The following OGFOD2 variants were observed in gnomAD, a reference collection of about 807,000 sequenced individuals.
OGFOD2 encodes 2-oxoglutarate and iron dependent oxygenase domain containing 2.
Under a neutral mutation model 31.1 loss-of-function variants are expected in OGFOD2, and 34 were observed. That is an observed-to-expected ratio of 1.09 (90% CI 0.83 to 1.45). The LOEUF (loss-of-function observed/expected upper bound fraction) is 1.45. OGFOD2 is among the 40% of genes most tolerant of loss of function. The probability of loss-of-function intolerance (pLI) is 0.00; values close to 1 mark genes in which losing one functional copy is unlikely to be tolerated. For synonymous variants in OGFOD2, 240 were observed against 192.3 expected, an observed-to-expected ratio of 1.25 and a Z score of -2.05; for missense variants, 537 against 433.9, an observed-to-expected ratio of 1.24 and a Z score of -2.11.
chr12:122,975,330 G>A (rs1158220374), exon 1 of OGFOD2: 1 of 702,128 alleles, frequency 1.4e-6, no homozygotes, highest in Non-Finnish European at 2.6e-6. Context: ...GGCGCGCTAT[G>A]GGCTGCACGT....
At chr12:122,976,905 C>A (rs765457509) in exon 4 of OGFOD2, 8 of 1,611,308 alleles carry the variant, frequency 5.0e-6, no homozygotes, top group Non-Finnish European at 6.8e-6. Context: ...CTGGCCGTGA[C>A]TGAGTACAGC....
chr12:122,979,240 T>A lies in OGFOD2; in HGVS notation c.947T>A (p.Leu316His), dbSNP rs199662815. 1.9e-6 allele frequency: 3 copies of A among 1,612,800 alleles called. No homozygotes were observed. In the African/African-American group the frequency reaches 4.0e-5, roughly 22 times the overall value. Residue 316 changes from leucine (L) to histidine (H), a missense_variant, in exon 7 of 7, where the codon CTC (leucine) becomes CAC (histidine). Coordinates refer to ENST00000228922, the Ensembl canonical transcript of OGFOD2. ...CGAGCCTCTGCTGTGCGCAACAGCCTCTGTCCCATGTGCTGCCGTGAGCCC... is the reference window on the plus strand; with the variant it reads ...CGAGCCTCTGCTGTGCGCAACAGCCACTGTCCCATGTGCTGCCGTGAGCCC...
chr12:122,976,401 G>C lies in OGFOD2; in HGVS notation c.190-253G>C, dbSNP rs944834849. The C allele has an allele frequency of 1.9e-6, 3 of 1,613,746 alleles. No individual in the cohort carries two copies. In the African/African-American group the frequency reaches 4.0e-5, roughly 22 times the overall value. On this transcript the variant is annotated intron_variant, in intron 2 of 6. Coordinates refer to ENST00000228922, the Ensembl canonical transcript of OGFOD2. ...TCCCTGTGTGGGCCCAGATGGTTGAGGTACATCTAGGGGTTCTCATCCCAG... is the reference window on the plus strand; with the variant it reads ...TCCCTGTGTGGGCCCAGATGGTTGACGTACATCTAGGGGTTCTCATCCCAG...
exon 1 of OGFOD2, chr12:122,975,294 T>C (rs544619497): frequency 1.4e-6 from 1 of 695,784 alleles, no homozygotes; most frequent in African/African-American, 1.7e-5. Context: ...CCGCTGCGCC[T>C]GCTTCTGCAC....
At chr12:122,979,379 A>G in exon 7 of OGFOD2, 1 of 1,569,826 alleles carries the variant, frequency 6.4e-7, no homozygotes, top group Non-Finnish European at 8.7e-7. Context: ...GGTGGCAGGC[A>G]GGTGAGGGCT....
chr12:122,978,655 C>T (rs1200065944), intron 5 of OGFOD2, 86 bp downstream of exon 5: 13 of 1,587,596 alleles, frequency 8.2e-6, no homozygotes, highest in Admixed American at 3.4e-5. Flanking sequence ...GCTGCCTGCC[C>T]GGGCTGCGAA....
rs2037408601 is a variant in OGFOD2, at chr12:122,975,874, G to T, written c.189+7G>T. 1.4e-6 allele frequency: 1 copy of T among 702,666 alleles called. No homozygotes were observed. The highest frequency in any genetic ancestry group is 2.7e-5 in the East Asian group (1 of 37,276). 43.5% of individuals were successfully genotyped at this position (702,666 alleles called of 1,614,324 possible). A position where few individuals can be genotyped will look rare whatever the true frequency, so the allele number is the denominator to read the frequency against. The stretch of plus-strand genomic sequence containing the variant: ...CCAGCAGCTGTTAGCAGAGGTACCA[G>T]TCCCCTGCCCCTGCACAGCTCCTCC... On this transcript the variant is annotated splice_region_variant and intron_variant, in intron 2 of 6. Coordinates refer to ENST00000228922, the Ensembl canonical transcript of OGFOD2.
In OGFOD2 at chr12:122,978,580, C is replaced by A; in HGVS notation, c.531+11C>A. 1.2e-6 allele frequency: 2 copies of A among 1,609,068 alleles called. No individual in the cohort carries two copies. The highest frequency in any genetic ancestry group is 1.7e-6 in the Non-Finnish European group (2 of 1,176,480). The stretch of plus-strand genomic sequence containing the variant: ...ATGAACAACTACGGGGTGGGTGAGG[C>A]CTGGCCGGTGGCAGAGGAGGGGGTG... On this transcript the variant is annotated intron_variant, in intron 5 of 6. Transcript: ENST00000228922.
chr12:122,978,455 C>T, exon 5 of OGFOD2: 1 of 1,613,606 alleles, frequency 6.2e-7, no homozygotes, highest in Non-Finnish European at 8.5e-7. Flanking sequence ...AGAAGCGCAT[C>T]TACCGGGTGC....
At chr12:122,979,827 G>A (rs1191287557) in exon 7 of OGFOD2, 1 of 211,658 alleles carries the variant, frequency 4.7e-6, no homozygotes, top group Non-Finnish European at 9.2e-6. Flanking sequence ...AGTGGACTCG[G>A]GTGGGCCACC....
intron 6 of OGFOD2, 24 bp downstream of exon 6, chr12:122,979,034 G>C: frequency 6.2e-7 from 1 of 1,606,804 alleles, no homozygotes; most frequent in Middle Eastern, 1.7e-4. Flanking sequence ...CCATGCGGCA[G>C]GGCCTGGGGC....
At chr12:122,975,647 C>T (rs573512751) in intron 1 of OGFOD2, 164 bp from the exon 2 acceptor site, 2 of 619,646 alleles carry the variant, frequency 3.2e-6, no homozygotes, top group African/African-American at 1.8e-5. Context: ...AACACCAGCC[C>T]GGAGCCCTGT....
At chr12:122,979,567 G>C (rs1157807521) in exon 7 of OGFOD2, 24 of 618,348 alleles carry the variant, frequency 3.9e-5, no homozygotes, top group Non-Finnish European at 6.6e-5. Context: ...CAGGGGAGGG[G>C]AGGGAGCAGC....
chr12:122,978,641 A>G lies in OGFOD2; in HGVS notation c.531+72A>G, dbSNP rs956618195. 16 of 1,593,924 alleles carry G rather than the reference A, an allele frequency of 1.0e-5. No homozygotes were observed. The African/African-American group carries it at 2.0e-4, about 20-fold the overall frequency. On this transcript the variant is annotated intron_variant, in intron 5 of 6. Transcript: ENST00000228922. The stretch of plus-strand genomic sequence containing the variant: ...GGAGGCAGTGTCAGAGGTTCTGCAG[A>G]TGGGCTGCCTGCCCGGGCTGCGAAA...
chr12:122,976,246 C>G (rs761834383), intron 2 of OGFOD2: 2 of 769,814 alleles, frequency 2.6e-6, no homozygotes, highest in African/African-American at 1.7e-5. Context: ...TACCATATAC[C>G]CCGCAGGCTG....
intron 4 of OGFOD2, chr12:122,977,595 T>A (rs1467154720): frequency 5.8e-6 from 1 of 173,546 alleles, no homozygotes; most frequent in Admixed American, 5.5e-5. Context: ...CTTAAGGCAC[T>A]GCGACGATCA....
At chr12:122,975,554 C>T (rs1291859790) in intron 1 of OGFOD2, 171 bp downstream of exon 1, 4 of 592,872 alleles carry the variant, frequency 6.7e-6, no homozygotes, top group Non-Finnish European at 1.2e-5. Context: ...GTAATAGTAT[C>T]TCCCTGTGAG....
exon 7 of OGFOD2, chr12:122,979,602 A>G: frequency 1.9e-6 from 1 of 527,102 alleles, no homozygotes; most frequent in East Asian, 3.1e-5. Context: ...GCTTCAGAGG[A>G]CGTCCAGCCT....
chr12:122,975,470 C>T (rs2037388326), intron 1 of OGFOD2, 87 bp downstream of exon 1: 2 of 600,088 alleles, frequency 3.3e-6, no homozygotes, highest in South Asian at 1.9e-5. Context: ...GTTTGCTTTG[C>T]GCACGCCGCG....
Sources: allele counts gnomAD v4.1 joint callset, GRCh38; gene constraint gnomAD v4.1.1; transcripts MANE v1.5; gene names NCBI Gene and HGNC (gene_info 2026-07-23, HGNC 2026-07-21).